The following ADAM32 variants were observed in gnomAD, a reference collection of about 807,000 sequenced individuals.
The protein encoded by ADAM32 is ADAM metallopeptidase domain 32, also known as disintegrin and metalloproteinase domain-containing protein 32.
A neutral mutation model predicts 114.9 loss-of-function variants in ADAM32; 89 were observed. The ratio of observed to expected loss-of-function variants is 0.77; its 90% CI spans 0.65 to 0.92. ADAM32 has a LOEUF of 0.92. ADAM32 is among the 40% of genes least tolerant of loss of function. The pLI is 0.00. For synonymous variants in ADAM32, 285 were observed against 307.5 expected, an observed-to-expected ratio of 0.93 and a Z score of 0.77; for missense variants, 870 against 932.8, an observed-to-expected ratio of 0.93 and a Z score of 0.88.
At chr8:39,250,539 T>C (rs1197597677) in intron 17 of ADAM32, among the ~76,000 whole-genome samples, 1 of 152,012 alleles carries the variant, frequency 6.6e-6, no homozygotes, top group East Asian at 1.9e-4. Flanking sequence ...TTTTATTTAT[T>C]TATTTTAGTT....
At chr8:39,153,871 T>C (rs1803986953) in intron 6 of ADAM32, among the ~76,000 whole-genome samples, 1 of 152,106 alleles carries the variant, frequency 6.6e-6, no homozygotes, top group Non-Finnish European at 1.5e-5. Context: ...ATAAAGTTAT[T>C]TGAGCACATA....
At chr8:39,188,070 A>T (rs946811999) in intron 11 of ADAM32, among the ~76,000 whole-genome samples, 1 of 148,414 alleles carries the variant, frequency 6.7e-6, no homozygotes, top group Non-Finnish European at 1.5e-5. Flanking sequence ...AGTGAAAATA[A>T]GACATTAAAT....
intron 9 of ADAM32, chr8:39,169,238 GTAGTTGAGAA>G (rs1805045001): frequency 6.6e-6 from 1 of 152,168 alleles, no homozygotes; most frequent in African/African-American, 2.4e-5. Flanking sequence ...CTATACCTTA[GTAGTTGAGAA>G]TATGGCTCGG....
At chr8:39,177,857 C>A (rs1306661217) in intron 10 of ADAM32, among the ~76,000 whole-genome samples, 1 of 152,156 alleles carries the variant, frequency 6.6e-6, no homozygotes, top group Non-Finnish European at 1.5e-5. Flanking sequence ...TTCTGGCTTG[C>A]AAGGTTCCAC....
chr8:39,253,340 A>G (rs1811424702), intron 17 of ADAM32, among the ~76,000 whole-genome samples: 1 of 151,738 alleles, frequency 6.6e-6, no homozygotes, highest in Admixed American at 6.6e-5. Flanking sequence ...GAAATAATGA[A>G]CGCCTTTACT....
At chr8:39,189,325 A>C (rs1033017859) in intron 11 of ADAM32, among the ~76,000 whole-genome samples, 5 of 152,180 alleles carry the variant, frequency 3.3e-5, no homozygotes, top group African/African-American at 9.7e-5. Flanking sequence ...CTTCATGTAG[A>C]AGACTTAATA....
chr8:39,124,547 A>G (rs1270859735), intron 2 of ADAM32, among the ~76,000 whole-genome samples: 5 of 151,660 alleles, frequency 3.3e-5, no homozygotes, highest in South Asian at 2.1e-4. Context: ...CCTCCCGAGT[A>G]GCTGGGACTA....
At chr8:39,122,796 T>G (rs1312724395) in intron 2 of ADAM32, among the ~76,000 whole-genome samples, 1 of 152,212 alleles carries the variant, frequency 6.6e-6, no homozygotes, top group Non-Finnish European at 1.5e-5. Flanking sequence ...CTTGAACTCC[T>G]GACCTCAAGT....
chr8:39,243,676 C>T (rs1810709389), intron 16 of ADAM32, among the ~76,000 whole-genome samples: 1 of 152,100 alleles, frequency 6.6e-6, no homozygotes, highest in African/African-American at 2.4e-5. Flanking sequence ...CAACATTGTA[C>T]TGAATAGGGA....
In ADAM32 at chr8:39,211,329, G is replaced by T; in HGVS notation, c.1233+5G>T. ...TGTGATTGTGGTACTGAGGCTGTAA[G>T]TATGATAACTAGGAAAATTGATTAA... On this transcript the variant is annotated splice_donor_5th_base_variant and intron_variant, in intron 12 of 24. Transcript: ENST00000379907. 1 of 1,477,548 alleles carries T rather than the reference G, an allele frequency of 6.8e-7. No individual in the cohort carries two copies. The highest frequency in any genetic ancestry group is 9.0e-7 in the Non-Finnish European group (1 of 1,116,240). The allele number at this position is 1,477,548 out of a possible 1,614,324, so 91.5% of individuals were successfully genotyped here.
At chr8:39,122,412 G>A (rs1168297375) in intron 2 of ADAM32, among the ~76,000 whole-genome samples, 1 of 152,094 alleles carries the variant, frequency 6.6e-6, no homozygotes, top group Non-Finnish European at 1.5e-5. Flanking sequence ...AGAGATACAA[G>A]AGGTCCTTGT....
chr8:39,245,548 CACA>C (rs1242170930), intron 16 of ADAM32, among the ~76,000 whole-genome samples: 16 of 152,222 alleles, frequency 1.1e-4, no homozygotes, highest in Admixed American at 3.3e-4. Flanking sequence ...GATTTGGATA[CACA>C]ACGAGACACC....
At chr8:39,203,985 T>G (rs1489518073) in intron 11 of ADAM32, among the ~76,000 whole-genome samples, 1 of 152,240 alleles carries the variant, frequency 6.6e-6, no homozygotes, top group Non-Finnish European at 1.5e-5. Context: ...CTTGTAGAGT[T>G]TCTGCTGAGA....
At chr8:39,276,162 T>C in intron 22 of ADAM32, 1 of 282,076 alleles carries the variant, frequency 3.5e-6, no homozygotes, top group Non-Finnish European at 6.5e-6. Context: ...AAAGGATCTT[T>C]TTGTATTCTT....
At chr8:39,252,604 A>G (rs572091710) in intron 17 of ADAM32, among the ~76,000 whole-genome samples, 1 of 151,712 alleles carries the variant, frequency 6.6e-6, no homozygotes, top group Non-Finnish European at 1.5e-5. Context: ...GATAGAGAAT[A>G]GAAAAATAAT....
intron 2 of ADAM32, among the ~76,000 whole-genome samples, chr8:39,124,963 A>G (rs1280016694): frequency 6.6e-6 from 1 of 152,166 alleles, no homozygotes; most frequent in Non-Finnish European, 1.5e-5. Context: ...CATTCCCCCC[A>G]ACAGTGTAAA....
At chr8:39,119,677 TCAAACA>T (rs1371949726) in intron 2 of ADAM32, among the ~76,000 whole-genome samples, 2 of 152,232 alleles carry the variant, frequency 1.3e-5, no homozygotes, top group Non-Finnish European at 2.9e-5. Context: ...TGGTGTTTTC[TCAAACA>T]CAAACATTTT....
chr8:39,262,095 T>C (rs950652728), intron 19 of ADAM32, among the ~76,000 whole-genome samples: 6 of 152,300 alleles, frequency 3.9e-5, no homozygotes, highest in Admixed American at 6.5e-5. Context: ...TTTTGAAGTC[T>C]TATTTATAAA....
At chr8:39,241,905 C>A (rs756985583) in intron 16 of ADAM32, among the ~76,000 whole-genome samples, 14 of 152,222 alleles carry the variant, frequency 9.2e-5, no homozygotes, top group Non-Finnish European at 1.9e-4. Context: ...TTCTATTGTG[C>A]TATCAGGCTG....
Sources: gnomAD v4.1 joint callset for allele counts (sites outside exome capture counted in the v4.1 genomes callset) on GRCh38, gnomAD v4.1.1 for gene constraint, MANE v1.5 for transcripts, NCBI Gene and HGNC (gene_info 2026-07-23, HGNC 2026-07-21) for gene names.